RYR1: variants seen among roughly 807,000 people sequenced by gnomAD.
RYR1 encodes the protein central core disease of muscle.
In RYR1, 342 loss-of-function variants were observed where a neutral mutation model predicts 583.5. That is an observed-to-expected ratio of 0.59 (90% CI 0.54 to 0.64). The LOEUF (loss-of-function observed/expected upper bound fraction) is 0.64. RYR1 is among the 30% of genes least tolerant of loss of function. RYR1 has a pLI of 0.00. For synonymous variants in RYR1, 2,791 were observed against 2,822.5 expected (o/e 0.99, Z 0.35); for missense variants, 6,032 against 6,917.2 (o/e 0.87, Z 4.54).
intron 20 of RYR1, among the ~76,000 whole-genome samples, chr19:38,462,702 G>C (rs1967821736): frequency 6.6e-6 from 1 of 152,100 alleles, no homozygotes; most frequent in Non-Finnish European, 1.5e-5. Flanking sequence ...GAGAAGGAAG[G>C]AGACTCCTCC....
intron 91 of RYR1, 22 bp from the exon 92 acceptor site, chr19:38,566,889 C>G (rs1480311958): frequency 1.9e-6 from 3 of 1,595,620 alleles, no homozygotes; most frequent in African/African-American, 1.3e-5. Context: ...GGACTCAGCC[C>G]TGATGCTTGC....
rs375167590 is a variant in RYR1, at chr19:38,464,630, C to T, written c.2787-9C>T. 1.3e-6 allele frequency: 2 copies of T among 1,572,038 alleles called. No individual in the cohort carries two copies. The highest frequency in any genetic ancestry group is 1.7e-6 in the Non-Finnish European group (2 of 1,158,324). ...GCGTGACCTGTCGCCTCCACTCCCC[C>T]ACCCCCAGGACTCTGCTGGCTCTGG... is the stretch of plus-strand genomic sequence containing the variant. On this transcript the variant is annotated splice_polypyrimidine_tract_variant and intron_variant, in intron 22 of 105. Transcript: ENST00000359596.
chr19:38,443,575 A>G lies in RYR1; in HGVS notation c.288A>G (p.Gly96=), dbSNP rs1015445310. ...EAGVESSQGG[G]HRTLLYGHAI... ...CCCTGCAGTCATCCCAGGGCGGGGG[A>G]CACAGGACGCTCCTGTATGGCCATG... Residue 96 remains glycine, a synonymous_variant, in exon 4 of 106, where the codon GGA becomes GGG. Transcript: ENST00000359596. 2.5e-6 allele frequency: 4 copies of G among 1,613,804 alleles called. No homozygotes were observed. In the African/African-American group the frequency reaches 5.3e-5, roughly 22 times the overall value.
chr19:38,445,224 A>T (rs1382607787), intron 7 of RYR1, among the ~76,000 whole-genome samples: 1 of 81,734 alleles, frequency 1.2e-5, no homozygotes, highest in Non-Finnish European at 2.5e-5. Context: ...CTCTGCCTCA[A>T]AAAAAAAAAA....
intron 1 of RYR1, among the ~76,000 whole-genome samples, chr19:38,438,839 C>G (rs1354432108): frequency 6.6e-6 from 1 of 151,832 alleles, no homozygotes; most frequent in East Asian, 1.9e-4. Flanking sequence ...AGGATGGTCT[C>G]GATCCTCTGA....
In RYR1 at chr19:38,448,389, C is replaced by G; in HGVS notation, c.835C>G (p.Leu279Val). ...SGSHLRWGQP[L>V]RVRHVTTGQY... ...GAGCCACCTGCGCTGGGGCCAGCCACTCCGAGTCCGGCATGTCACTACCGG... is the reference window on the plus strand; with the variant it reads ...GAGCCACCTGCGCTGGGGCCAGCCAGTCCGAGTCCGGCATGTCACTACCGG... Residue 279 changes from leucine to valine, a missense_variant, in exon 10 of 106, where the codon CTC becomes GTC. This residue lies in a region of RYR1 where 338 missense variants were observed against 441.6 expected (regional missense o/e 0.77). Coordinates refer to ENST00000359596, the MANE Select transcript of RYR1 (RefSeq NM_000540.3). 6.2e-7 allele frequency: 1 copy of G among 1,611,768 alleles called. No homozygotes were observed. The highest frequency in any genetic ancestry group is 1.1e-5 in the South Asian group (1 of 91,086).
Position 38,580,518 on chromosome 19 carries a change from C to G in RYR1, c.14646+14C>G, listed in dbSNP as rs760334053. 3 of 1,614,002 alleles carry G rather than the reference C, an allele frequency of 1.9e-6. No individual in the cohort carries two copies. The South Asian group carries it at 3.3e-5, about 18-fold the overall frequency. On this transcript the variant is annotated intron_variant, in intron 101 of 105. Coordinates refer to ENST00000359596, the MANE Select transcript of RYR1 (RefSeq NM_000540.3). ...GACATGATGACGGTGAGCCCCTCCCCTAGCACTCTGGGACCCTTCCTTCTC... is the reference window on the plus strand; with the variant it reads ...GACATGATGACGGTGAGCCCCTCCCGTAGCACTCTGGGACCCTTCCTTCTC...
At chr19:38,563,656 G>A (rs1973256419) in intron 90 of RYR1, among the ~76,000 whole-genome samples, 1 of 152,204 alleles carries the variant, frequency 6.6e-6, no homozygotes, top group South Asian at 2.1e-4. Flanking sequence ...TATAATGTAG[G>A]TCCTATTATG....
At chr19:38,531,086 A>C (rs1374408366) in intron 76 of RYR1, among the ~76,000 whole-genome samples, 1 of 142,822 alleles carries the variant, frequency 7.0e-6, no homozygotes, top group African/African-American at 2.6e-5. Context: ...TGCCCACCTT[A>C]GCCTCCCAAA....
rs1285802730 is a variant in RYR1, at chr19:38,565,567, C to A, written c.13233C>A (p.Gly4411=). The A allele has an allele frequency of 3.4e-6, 5 of 1,476,586 alleles. No individual in the cohort carries two copies. Among genetic ancestry groups the A allele is most frequent in the Non-Finnish European group, 4.5e-6 (5 of 1,120,698 alleles). 91.5% of individuals were successfully genotyped at this position (1,476,586 alleles called of 1,614,324 possible). The stretch of plus-strand genomic sequence containing the variant: ...CAGACGGCGAGGGTGCCAGCGAGGG[C>A]GCTGGAGACGCCGCGGAGGGCGCTG... The part of the protein sequence containing the change: ...GDADGEGASE[G]AGDAAEGAGD... The change falls in exon 91 of 106, where the codon GGC becomes GGA. Residue 4411 remains glycine (G), a synonymous_variant. Coordinates refer to ENST00000359596, the MANE Select transcript of RYR1 (RefSeq NM_000540.3). The surrounding 1 kb of genome is among the most constrained non-coding windows in gnomAD (Gnocchi z 4.7).
At chr19:38,445,906 G>A (rs985545395) in intron 7 of RYR1, among the ~76,000 whole-genome samples, 2 of 151,908 alleles carry the variant, frequency 1.3e-5, no homozygotes, top group African/African-American at 4.8e-5. Flanking sequence ...AGTATTGCTT[G>A]AATCTGGGAG....
intron 23 of RYR1, among the ~76,000 whole-genome samples, chr19:38,465,718 C>T (rs1169842594): frequency 7.9e-5 from 12 of 151,008 alleles, no homozygotes; most frequent in African/African-American, 1.2e-4. Context: ...GAGCCGAGAT[C>T]GTGCCATTGC....
chr19:38,469,646 G>C, intron 27 of RYR1, 133 bp downstream of exon 27: 1 of 953,298 alleles, frequency 1.0e-6, no homozygotes. Flanking sequence ...CAGAGTGATG[G>C]GCTCACGGGC....
At chr19:38,560,048 TG>T (rs1264838255) in intron 89 of RYR1, among the ~76,000 whole-genome samples, 1 of 151,994 alleles carries the variant, frequency 6.6e-6, no homozygotes, top group Non-Finnish European at 1.5e-5. Flanking sequence ...AGCACAAGAA[TG>T]TTCAAGAAAA....
intron 22 of RYR1, 149 bp downstream of exon 22, chr19:38,463,999 G>T: frequency 2.9e-6 from 2 of 697,306 alleles, no homozygotes; most frequent in East Asian, 2.7e-5. Context: ...GGGAGTGGCC[G>T]GGCACGGTGG....
intron 31 of RYR1, 113 bp from the exon 32 acceptor site, chr19:38,482,914 A>G: frequency 1.1e-6 from 1 of 918,696 alleles, no homozygotes; most frequent in Non-Finnish European, 1.8e-6. Context: ...GCCATTTTGG[A>G]GCCTCTAACG....
chr19:38,580,550 G>A, intron 101 of RYR1, 46 bp downstream of exon 101: 4 of 1,610,934 alleles, frequency 2.5e-6, no homozygotes, highest in Non-Finnish European at 3.4e-6. Flanking sequence ...TCTCGCATCT[G>A]TTGAAGGAGT....
intron 42 of RYR1, 137 bp from the exon 43 acceptor site, chr19:38,498,971 C>T (rs2145597118): frequency 8.8e-7 from 1 of 1,132,424 alleles, no homozygotes; most frequent in East Asian, 2.6e-5. Context: ...TCTGACAGGA[C>T]CAGGGCTAAT....
chr19:38,489,399 G>A lies in RYR1; in HGVS notation c.5770G>A (p.Glu1924Lys), dbSNP rs1246831071. The change falls in exon 35 of 106, where the codon GAA (glutamate) becomes AAA (lysine). Residue 1924 changes from glutamate to lysine, a missense_variant. Glu to Lys is a moderately conservative substitution (Grantham distance 56, BLOSUM62 1). Transcript: ENST00000359596. Reference protein sequence around the residue: ...AEGEKEEGLEEGLLQMKLPES... With the variant: ...AEGEKEEGLEKGLLQMKLPES... ...AGGGGAGAAAGAAGAAGGCTTGGAG[G>A]AAGGGCTGCTCCAGATGAAGTTGCC... The A allele has an allele frequency of 1.9e-6, 3 of 1,614,050 alleles. No homozygotes were observed. The highest frequency in any genetic ancestry group is 2.2e-5 in the South Asian group (2 of 91,076).
Sources: gnomAD v4.1 joint callset for allele counts (sites outside exome capture counted in the v4.1 genomes callset) on GRCh38, gnomAD v4.1.1 for gene constraint, gnomAD v4.1.1 regional missense constraint, Gnocchi (gnomAD v3.1) non-coding constraint, MANE v1.5 for transcripts, NCBI Gene and HGNC (gene_info 2026-07-23, HGNC 2026-07-21) for gene names.